Variants in TAF1 observed in about 807,000 individuals in gnomAD.
TAF1 encodes the protein transcription initiation factor TFIID subunit 1.
A neutral mutation model predicts 138.5 loss-of-function variants in TAF1; 2 were observed. The ratio of observed to expected loss-of-function variants is 0.01; its 90% CI spans 0.01 to 0.05. The LOEUF is 0.05. Among genes scored for constraint, TAF1 ranks in the 10% least tolerant of loss-of-function variants. The pLI is 1.00. For missense variants in TAF1, 709 were observed against 1,478.0 expected (o/e 0.48, Z 8.53); for synonymous variants, 437 against 503.2 (o/e 0.87, Z 1.76).
Position 71,401,360 on chromosome X carries a change from G to A in TAF1, c.3787-168G>A, listed in dbSNP as rs184476525. Among the ~76,000 whole-genome samples the A allele has an allele frequency of 2.7e-5, 3 of 111,401 alleles. No homozygotes were observed. In the Admixed American group the frequency reaches 2.9e-4, roughly 11 times the overall value. On this transcript the variant is annotated intron_variant, in intron 24 of 37. Transcript: ENST00000423759. ...TGGAGCCTGTGTATATGGAGGGCTG[G>A]CTTTTTGTATATATGGGCTTCACTA...
intron 1 of TAF1, 62 bp downstream of exon 1, chrX:71,366,556 G>A: frequency 9.6e-7 from 1 of 1,040,882 alleles, no homozygotes; most frequent in East Asian, 3.4e-5. Context: ...AAGGAGGTGC[G>A]GGGAGGAAAG....
At chrX:71,402,094 C>T (rs1051185365) in intron 25 of TAF1, among the ~76,000 whole-genome samples, 2 of 111,246 alleles carry the variant, frequency 1.8e-5, no homozygotes, top group African/African-American at 6.6e-5. Context: ...CTTCTAGACA[C>T]TTATAATATT....
Position 71,376,006 on chromosome X carries a change from T to C in TAF1, c.472+720T>C, listed in dbSNP as rs772351807. Among the ~76,000 whole-genome samples the C allele has an allele frequency of 5.3e-5, 6 of 112,670 alleles. No homozygotes were observed. In the East Asian group the frequency reaches 1.7e-3, roughly 31 times the overall value. On this transcript the variant is annotated intron_variant, in intron 4 of 37. Coordinates refer to ENST00000423759, the MANE Select transcript of TAF1 (RefSeq NM_004606.5). ...TGTTGATAAATCAGATAGTGTCAAC[T>C]ACCAGATATTCAGAGATTTCAAAGG...
At chrX:71,528,615 G>C in exon 14 of TAF1, 1 of 331,214 alleles carries the variant, frequency 3.0e-6, no homozygotes, top group East Asian at 9.7e-5. Context: ...TGCTCTACCC[G>C]ATTCTCAGCT....
rs2038110024 is a variant in TAF1, at chrX:71,453,082, CGGGAGAGA to C, written c.4754-1086_4754-1079del. ...GAGGGAGAGGGAGACCGTGGGGAGA[CGGGAGAGA>C]GAGAGGGAGAGGAGGGAGAGGGAGA... On this transcript the variant is annotated intron_variant, in intron 32 of 37. Transcript: ENST00000423759. Among the ~76,000 whole-genome samples, 3 of 108,655 alleles carry C rather than the reference CGGGAGAGA, an allele frequency of 2.8e-5. No individual in the cohort carries two copies. In the South Asian group the frequency reaches 1.2e-3, roughly 44 times the overall value. The allele number at this position is 108,655 out of a possible 115,157, so 94.4% of individuals were successfully genotyped here.
intron 13 of TAF1, among the ~76,000 whole-genome samples, chrX:71,516,613 G>A (rs1460929658): frequency 4.8e-5 from 5 of 103,806 alleles, no homozygotes; most frequent in African/African-American, 7.2e-5. Context: ...CTGCATTCTA[G>A]CCTGGGGGAC....
In TAF1 at chrX:71,379,873, A is replaced by T. The variant is rs572730837; in HGVS notation, c.1360+842A>T. ...TGCCTCAGCCTCCCAAAGTGCTGGGATTACAGGCATGAGCCACCACGCCTG... is the reference window on the plus strand; with the variant it reads ...TGCCTCAGCCTCCCAAAGTGCTGGGTTTACAGGCATGAGCCACCACGCCTG... On this transcript the variant is annotated intron_variant, in intron 8 of 37. Coordinates refer to ENST00000423759, the MANE Select transcript of TAF1 (RefSeq NM_004606.5). Among the ~76,000 whole-genome samples the T allele has an allele frequency of 3.6e-5, 4 of 111,858 alleles. No individual in the cohort carries two copies. In the South Asian group the frequency reaches 1.1e-3, roughly 31 times the overall value.
intron 13 of TAF1, chrX:71,492,700 G>C (rs1205175269): frequency 8.6e-6 from 1 of 116,612 alleles, no homozygotes; most frequent in Non-Finnish European, 1.8e-5. Context: ...TCTGCGCGCA[G>C]TCCGTGTCGC....
At chrX:71,377,453 C>T (rs1449482187) in intron 5 of TAF1, 150 bp from the exon 6 acceptor site, 1 of 820,484 alleles carries the variant, frequency 1.2e-6, no homozygotes, top group African/African-American at 2.1e-5. Context: ...CGCTTCTTTA[C>T]TTTCTTAGAC....
At chrX:71,491,759 T>C (rs2039290225) in intron 13 of TAF1, 2 of 107,434 alleles carry the variant, frequency 1.9e-5, no homozygotes, top group Admixed American at 1.0e-4. Flanking sequence ...CCTCCCAGGT[T>C]CATGCCATTC....
intron 29 of TAF1, among the ~76,000 whole-genome samples, 193 bp from the exon 30 acceptor site, chrX:71,422,924 A>G (rs759352812): frequency 7.5e-4 from 82 of 109,112 alleles, no homozygotes; most frequent in African/African-American, 2.6e-3. Flanking sequence ...TTGTATTTTT[A>G]GTAGAGACGG....
chrX:71,464,646 C>T lies in TAF1; in HGVS notation c.*600C>T. The T allele has an allele frequency of 6.7e-6, 1 of 149,846 alleles. No homozygotes were observed. The highest frequency in any genetic ancestry group is 1.3e-5 in the Non-Finnish European group (1 of 77,819). The allele number at this position is 149,846 out of a possible 1,213,427, so 12.3% of individuals were successfully genotyped here. Reference sequence around the variant, plus strand: ...ACTTGAACCCGGGAGGCAGAGGTTGCAGTGAGTGGAGGTCACGCCACTGCA... The same window carrying T: ...ACTTGAACCCGGGAGGCAGAGGTTGTAGTGAGTGGAGGTCACGCCACTGCA... On this transcript the variant is annotated 3_prime_UTR_variant, in exon 38 of 38. Coordinates refer to ENST00000423759, the MANE Select transcript of TAF1 (RefSeq NM_004606.5).
At chrX:71,462,603 A>T (rs1474049657) in intron 37 of TAF1, among the ~76,000 whole-genome samples, 1 of 107,571 alleles carries the variant, frequency 9.3e-6, no homozygotes, top group African/African-American at 3.7e-5. Flanking sequence ...CAACAATAAT[A>T]GTAACTCCCC....
chrX:71,455,128 A>C, intron 34 of TAF1: 2 of 1,003,535 alleles, frequency 2.0e-6, no homozygotes, highest in South Asian at 2.2e-5. Flanking sequence ...CAGATCCCTG[A>C]CCCAGCCATC....
intron 20 of TAF1, 150 bp downstream of exon 20, chrX:71,393,144 T>C: frequency 9.4e-7 from 1 of 1,060,328 alleles, no homozygotes; most frequent in Non-Finnish European, 1.3e-6. Context: ...GTTATCTTTC[T>C]ATGTAATCTG....
chrX:71,486,248 T>C (rs963824751), intron 13 of TAF1, among the ~76,000 whole-genome samples: 3 of 111,444 alleles, frequency 2.7e-5, no homozygotes, highest in African/African-American at 9.8e-5. Flanking sequence ...TCTATGTTTC[T>C]ATGTTGCCCA....
intron 34 of TAF1, among the ~76,000 whole-genome samples, chrX:71,456,761 C>T (rs1053559900): frequency 1.1e-5 from 1 of 94,298 alleles, no homozygotes; most frequent in Non-Finnish European, 2.0e-5. Flanking sequence ...CTGCAACCTT[C>T]GCCTCCCGGG....
chrX:71,472,973 C>T (rs1419578685), intron 13 of TAF1, among the ~76,000 whole-genome samples: 1 of 112,015 alleles, frequency 8.9e-6, no homozygotes, highest in East Asian at 2.8e-4. Flanking sequence ...TGTAAACATA[C>T]GAACTTCACT....
intron 1 of TAF1, among the ~76,000 whole-genome samples, 197 bp downstream of exon 1, chrX:71,366,691 G>A (rs1433793778): frequency 1.8e-5 from 2 of 111,224 alleles, no homozygotes; most frequent in African/African-American, 6.5e-5. Context: ...GCAGAAGAGA[G>A]CGCGAGGCGA....
Sources: allele counts gnomAD v4.1 joint callset (sites outside exome capture counted in the v4.1 genomes callset), GRCh38; gene constraint gnomAD v4.1.1; transcripts MANE v1.5; gene names NCBI Gene and HGNC (gene_info 2026-07-23, HGNC 2026-07-21).